GRAMD2A: variants seen among roughly 807,000 people sequenced by gnomAD.
GRAMD2A encodes GRAM domain-containing protein 2A.
A neutral mutation model predicts 51.1 loss-of-function variants in GRAMD2A; 37 were observed. The ratio of observed to expected loss-of-function variants is 0.72; its 90% CI spans 0.56 to 0.95. GRAMD2A has a LOEUF of 0.95. Ranked by LOEUF, GRAMD2A falls within the 40% of genes least tolerant of loss-of-function variation. GRAMD2A has a pLI of 0.00. For missense variants in GRAMD2A, 414 were observed against 426.9 expected (o/e 0.97, Z 0.27); for synonymous variants, 136 against 157.1 (o/e 0.87, Z 1.01).
chr15:72,163,411 C>A lies in GRAMD2A; in HGVS notation c.811G>T (p.Gly271Cys). ...GGCATCTTCTTAGGGCAGGCAGGAC[C>A]CCAGCCTGGCATGGGCCATGCCCAC... ...GRWAWPMPGWGPACPKKMPNC... is the reference protein window; with the variant it reads ...GRWAWPMPGWCPACPKKMPNC... Residue 271 changes from glycine (G) to cysteine (C), a missense_variant, in exon 10 of 12, where the codon GGT (glycine) becomes TGT (cysteine). Transcript: ENST00000309731. 1 of 1,614,086 alleles carries A rather than the reference C, an allele frequency of 6.2e-7. No homozygotes were observed. The highest frequency in any genetic ancestry group is 8.5e-7 in the Non-Finnish European group (1 of 1,179,936).
At chr15:72,194,935 GTC>G (rs977654842) in intron 1 of GRAMD2A, among the ~76,000 whole-genome samples, 1 of 152,160 alleles carries the variant, frequency 6.6e-6, no homozygotes, top group African/African-American at 2.4e-5. Flanking sequence ...GGATCCACCT[GTC>G]TCAGCCTCCC....
At position 72,170,146 on chromosome 15, in the gene GRAMD2A, C is replaced by T. The variant is rs1186165411; in HGVS notation, c.42-207G>A. On this transcript the variant is annotated intron_variant, in intron 1 of 11. Coordinates refer to ENST00000309731, the MANE Select transcript of GRAMD2A (RefSeq NM_001012642.3). This position sits in a 1 kb window ranked among gnomAD's most constrained non-coding sequence, Gnocchi z 4.5. ...GACGGAGTAGGCGGGTCTCACACAGCGTCTTTCCCGAAAGCCAGAAGTTCT... is the reference window on the plus strand; with the variant it reads ...GACGGAGTAGGCGGGTCTCACACAGTGTCTTTCCCGAAAGCCAGAAGTTCT... The T allele has an allele frequency of 4.5e-6, 3 of 671,172 alleles. No homozygotes were observed. The highest frequency in any genetic ancestry group is 8.2e-6 in the Non-Finnish European group (3 of 365,302). 41.6% of individuals were successfully genotyped at this position (671,172 alleles called of 1,614,324 possible).
At chr15:72,197,404 C>A (rs1209796168) in intron 1 of GRAMD2A, among the ~76,000 whole-genome samples, 1 of 152,192 alleles carries the variant, frequency 6.6e-6, no homozygotes, top group Non-Finnish European at 1.5e-5. Context: ...AGTGGCGAGG[C>A]GGAGATGGGC....
intron 1 of GRAMD2A, among the ~76,000 whole-genome samples, chr15:72,178,628 T>G (rs542902834): frequency 7.3e-6 from 1 of 136,538 alleles, no homozygotes; most frequent in African/African-American, 2.8e-5. Context: ...CAGGCTGGAG[T>G]GCAGTGGCGC....
At chr15:72,174,462 C>T (rs1190025388) in intron 1 of GRAMD2A, among the ~76,000 whole-genome samples, 1 of 152,216 alleles carries the variant, frequency 6.6e-6, no homozygotes, top group Non-Finnish European at 1.5e-5. Flanking sequence ...CAGTCCCGTC[C>T]CATCCCCATG....
chr15:72,169,869 CTCTG>C lies in GRAMD2A; in HGVS notation c.108_111del (p.Asp36GlufsTer16). Reference sequence around the variant, plus strand: ...CACCTGTAGTCCGGGGGCTCCTCAACTCTGTCTGGTTTCTCTTTGCAGGACACAG... The same window carrying C: ...CACCTGTAGTCCGGGGGCTCCTCAACTCTGGTTTCTCTTTGCAGGACACAG... On this transcript the variant is annotated frameshift_variant, in exon 2 of 12. Coordinates refer to ENST00000309731, the MANE Select transcript of GRAMD2A (RefSeq NM_001012642.3). LOFTEE classifies it high-confidence loss of function. The C allele has an allele frequency of 1.9e-6, 3 of 1,614,114 alleles. No individual in the cohort carries two copies. The highest frequency in any genetic ancestry group is 2.5e-6 in the Non-Finnish European group (3 of 1,179,922).
chr15:72,187,047 G>A (rs899061206), intron 1 of GRAMD2A, among the ~76,000 whole-genome samples: 2 of 151,494 alleles, frequency 1.3e-5, no homozygotes. Context: ...TGTGATCCCA[G>A]CTACTTGGGA....
At chr15:72,178,568 CTTTTTT>C (rs537075334) in intron 1 of GRAMD2A, among the ~76,000 whole-genome samples, 57 of 84,192 alleles carry the variant, frequency 6.8e-4, no homozygotes, top group Admixed American at 2.3e-3. Flanking sequence ...CTTGCACTTT[CTTTTTT>C]TTTTTTTTTT....
intron 1 of GRAMD2A, among the ~76,000 whole-genome samples, chr15:72,178,567 T>C (rs1379126460): frequency 1.3e-5 from 2 of 149,156 alleles, no homozygotes; most frequent in Non-Finnish European, 3.0e-5. Context: ...TCTTGCACTT[T>C]CTTTTTTTTT....
rs1055001163 is a variant in GRAMD2A at position 72,160,390 on chromosome 15, C to A, written c.*1619G>T. 1 of 145,966 alleles carries A rather than the reference C, an allele frequency of 6.9e-6. No individual in the cohort carries two copies. The highest frequency in any genetic ancestry group is 2.5e-5 in the African/African-American group (1 of 39,350). 9.0% of individuals were successfully genotyped at this position (145,966 alleles called of 1,614,324 possible). ...ATGGAACAGTGAGTTTCACCTGAGA[C>A]ATACAGATTTGGTGCAAGCAACACA... On this transcript the variant is annotated 3_prime_UTR_variant, in exon 12 of 12. Transcript: ENST00000309731.
intron 8 of GRAMD2A, among the ~76,000 whole-genome samples, chr15:72,164,877 G>C (rs551106610): frequency 6.6e-6 from 1 of 152,210 alleles, no homozygotes; most frequent in East Asian, 1.9e-4. Flanking sequence ...GGTGGCTCAC[G>C]CCTATAATCC....
chr15:72,164,030 C>G (rs1193553128), intron 8 of GRAMD2A, among the ~76,000 whole-genome samples: 3 of 152,062 alleles, frequency 2.0e-5, no homozygotes, highest in Non-Finnish European at 4.4e-5. Flanking sequence ...AGATGTGAGC[C>G]AACCCAGATA....
In GRAMD2A at chr15:72,161,825, C is replaced by T. The variant is rs1329144145; in HGVS notation, c.*184G>A. 1.6e-5 allele frequency: 10 copies of T among 631,258 alleles called. No homozygotes were observed. Among genetic ancestry groups the T allele is most frequent in the Non-Finnish European group, 2.8e-5 (10 of 358,414 alleles). The allele number at this position is 631,258 out of a possible 1,614,324, so 39.1% of individuals were successfully genotyped here. On this transcript the variant is annotated 3_prime_UTR_variant, in exon 12 of 12. Transcript: ENST00000309731. The stretch of plus-strand genomic sequence containing the variant: ...TTGTAGAAGCCAGTTACTTTGTAAA[C>T]ACGTACTTCAGATCTCTCATAGAGG...
At chr15:72,182,802 A>G (rs761093132) in intron 1 of GRAMD2A, among the ~76,000 whole-genome samples, 5 of 152,226 alleles carry the variant, frequency 3.3e-5, no homozygotes, top group Non-Finnish European at 7.3e-5. Flanking sequence ...AGAGGGGATA[A>G]TGAGTTGTTG....
chr15:72,193,317 A>C (rs2081781596), intron 1 of GRAMD2A, among the ~76,000 whole-genome samples: 1 of 148,068 alleles, frequency 6.8e-6, no homozygotes, highest in Non-Finnish European at 1.5e-5. Flanking sequence ...CCCGGGTTCA[A>C]GCGATTTTCC....
chr15:72,174,781 G>A (rs142503948), intron 1 of GRAMD2A, among the ~76,000 whole-genome samples: 1 of 152,158 alleles, frequency 6.6e-6, no homozygotes, highest in Non-Finnish European at 1.5e-5. Flanking sequence ...AGAGGGCAGG[G>A]ATGGCACCAG....
intron 1 of GRAMD2A, among the ~76,000 whole-genome samples, chr15:72,186,792 G>A (rs1378484777): frequency 2.6e-5 from 4 of 152,090 alleles, no homozygotes; most frequent in African/African-American, 7.2e-5. Context: ...ATAAAAAAGA[G>A]TAAGTTAGAG....
intron 1 of GRAMD2A, among the ~76,000 whole-genome samples, chr15:72,180,273 G>A (rs1319952747): frequency 3.3e-5 from 5 of 152,232 alleles, no homozygotes; most frequent in African/African-American, 4.8e-5. Flanking sequence ...CATCATGCCC[G>A]CTGCTGGAGC....
Position 72,170,442 on chromosome 15 carries a change from C to T in GRAMD2A, c.42-503G>A, listed in dbSNP as rs185494797. 276 of 455,690 alleles carry T rather than the reference C, an allele frequency of 6.1e-4. 1 individual carries two copies. Among genetic ancestry groups the T allele is most frequent in the African/African-American group, 4.8e-3 (240 of 50,158 alleles). The allele number at this position is 455,690 out of a possible 1,614,324, so 28.2% of individuals were successfully genotyped here. On this transcript the variant is annotated intron_variant, in intron 1 of 11. Coordinates refer to ENST00000309731, the MANE Select transcript of GRAMD2A (RefSeq NM_001012642.3). This position sits in a 1 kb window ranked among gnomAD's most constrained non-coding sequence, Gnocchi z 4.5. ...ATGCGCTGAAGGTGTGGGAGGTGGA[C>T]GCCCATCAGCCTACAGGTGAGTGTG...
Sources: gnomAD v4.1 joint callset for allele counts (sites outside exome capture counted in the v4.1 genomes callset) on GRCh38, gnomAD v4.1.1 for gene constraint, Gnocchi (gnomAD v3.1) non-coding constraint, MANE v1.5 for transcripts, NCBI Gene and HGNC (gene_info 2026-07-23, HGNC 2026-07-21) for gene names.